The following ZNF184 variants were observed in gnomAD, a reference collection of about 807,000 sequenced individuals.
The protein encoded by ZNF184 is zinc finger protein 184, also known as zinc finger protein 184 (Kruppel-like).
ZNF184 carries 16 observed loss-of-function variants against 54.4 expected under a neutral mutation model. The ratio of observed to expected loss-of-function variants is 0.29; its 90% CI spans 0.20 to 0.45. The LOEUF is 0.45. ZNF184 is among the 20% of genes least tolerant of loss of function. The pLI, the probability that ZNF184 is intolerant of heterozygous loss-of-function variation, is 1.00. For synonymous variants in ZNF184, 254 were observed against 295.3 expected, an observed-to-expected ratio of 0.86 and a Z score of 1.43; for missense variants, 681 against 888.2, an observed-to-expected ratio of 0.77 and a Z score of 2.97.
At chr6:27,464,326 T>C (rs1763070301) in intron 3 of ZNF184, among the ~76,000 whole-genome samples, 1 of 152,182 alleles carries the variant, frequency 6.6e-6, no homozygotes, top group South Asian at 2.1e-4. Flanking sequence ...TTATAACATA[T>C]GTAACAAGTA....
At position 27,452,855 on chromosome 6, in the gene ZNF184, G is replaced by A; in HGVS notation, c.704C>T (p.Ser235Leu). The change falls in exon 6 of 6, where the codon TCA (serine) becomes TTA (leucine). Residue 235 changes from serine (S) to leucine (L), a missense_variant. Transcript: ENST00000683788. The surrounding 1 kb of genome is among the most constrained non-coding windows in gnomAD (Gnocchi z 5.5). ...NECGKAFSYCSALIRHQRTHT... is the reference protein window; with the variant it reads ...NECGKAFSYCLALIRHQRTHT... Reference sequence around the variant, plus strand: ...TGTTCTCTGATGGCGAATAAGAGCTGAACAATAACTAAAGGCTTTCCCACA... The same window carrying A: ...TGTTCTCTGATGGCGAATAAGAGCTAAACAATAACTAAAGGCTTTCCCACA... 3.1e-6 allele frequency: 5 copies of A among 1,614,066 alleles called. No individual in the cohort carries two copies. The highest frequency in any genetic ancestry group is 3.4e-6 in the Non-Finnish European group (4 of 1,179,998).
At chr6:27,414,588 T>A in the ZNF184 span, among the ~76,000 whole-genome samples, 1 of 152,028 alleles carries the variant, frequency 6.6e-6, no homozygotes, top group Non-Finnish European at 1.5e-5. Context: ...TGCAGGGCTT[T>A]TGCTCAGATA....
chr6:27,451,324 C>T lies in ZNF184; in HGVS notation c.2235G>A (p.Gln745=), dbSNP rs898172670. The T allele has an allele frequency of 1.9e-6, 3 of 1,602,298 alleles. No individual in the cohort carries two copies. The highest frequency in any genetic ancestry group is 2.7e-5 in the African/African-American group (2 of 74,278). Residue 745 remains glutamine (Q), a synonymous_variant, in exon 6 of 6, where the codon CAG becomes CAA. Coordinates refer to ENST00000683788, the MANE Select transcript of ZNF184 (RefSeq NM_001318891.2). ...FRYRSALNKH[Q]RLHPGI is the part of the protein sequence containing the mutation. ...ATTGTCATATGCCAGGATGCAGTCT[C>T]TGATGTTTGTTGAGAGCAGAGCGAT... is the stretch of plus-strand genomic sequence containing the variant.
At chr6:27,422,052 G>C in the ZNF184 span, among the ~76,000 whole-genome samples, 538 of 150,994 alleles carry the variant, frequency 3.6e-3, 4 homozygotes, top group Middle Eastern at 0.01. Flanking sequence ...GAGGTGGGAG[G>C]ATCGCTTGAG....
chr6:27,414,479 C>G, the ZNF184 span, among the ~76,000 whole-genome samples: 1 of 152,072 alleles, frequency 6.6e-6, no homozygotes, highest in African/African-American at 2.4e-5. Flanking sequence ...TTGCTCTATT[C>G]TCTTTCACTT....
the ZNF184 span, among the ~76,000 whole-genome samples, chr6:27,443,482 T>C: frequency 6.6e-6 from 1 of 152,220 alleles, no homozygotes; most frequent in East Asian, 1.9e-4. Context: ...GATATGTATG[T>C]AATCAATCCA....
At chr6:27,446,427 C>A (rs536700203), downstream of ZNF184, among the ~76,000 whole-genome samples, 11 of 152,310 alleles carry the variant, frequency 7.2e-5, no homozygotes, top group South Asian at 2.3e-3. Flanking sequence ...TGGCAGTGTC[C>A]ATGTGGTGCT....
chr6:27,404,629 A>C, the ZNF184 span: 1 of 152,250 alleles, frequency 6.6e-6, no homozygotes, highest in Non-Finnish European at 1.5e-5. Flanking sequence ...ATGGAGCTGG[A>C]AAATGCCTAT....
rs757943838 is a variant in ZNF184, at chr6:27,453,054, T to G, written c.505A>C (p.Lys169Gln). The G allele has an allele frequency of 4.3e-6, 7 of 1,613,948 alleles. No homozygotes were observed. The highest frequency in any genetic ancestry group is 5.1e-6 in the Non-Finnish European group (6 of 1,179,986). The change falls in exon 6 of 6, where the codon AAG becomes CAG. Residue 169 changes from lysine (K) to glutamine (Q), a missense_variant. By Grantham distance (53) the Lys-to-Gln change is moderately conservative. Transcript: ENST00000683788. This position sits in a 1 kb window ranked among gnomAD's most constrained non-coding sequence, Gnocchi z 4.7. ...CCTTTTTCCCAACTGGGTATTGTCT[T>G]TTCGGTTACCTTTATTTCCTTTGGC... ...TLPKEIKVTE[K>Q]TIPSWEKGPV...
chr6:27,445,895 A>T (rs1400776703), downstream of ZNF184, among the ~76,000 whole-genome samples: 1 of 152,170 alleles, frequency 6.6e-6, no homozygotes, highest in Non-Finnish European at 1.5e-5. Flanking sequence ...AGAACTTAAC[A>T]GTGACGAACT....
At chr6:27,427,014 A>C in the ZNF184 span, among the ~76,000 whole-genome samples, 69 of 151,526 alleles carry the variant, frequency 4.6e-4, no homozygotes, top group African/African-American at 1.6e-3. Context: ...AGAAACCTAA[A>C]TGGCAAACAG....
At chr6:27,447,606 G>A (rs1762652929), downstream of ZNF184, among the ~76,000 whole-genome samples, 2 of 151,914 alleles carry the variant, frequency 1.3e-5, no homozygotes, top group South Asian at 4.2e-4. Context: ...CCAGCTACTC[G>A]GGAGGCTGAG....
At chr6:27,460,638 G>C (rs1296037120) in intron 3 of ZNF184, among the ~76,000 whole-genome samples, 6 of 152,202 alleles carry the variant, frequency 3.9e-5, no homozygotes, top group Non-Finnish European at 7.3e-5. Flanking sequence ...TACTGAGGCA[G>C]GGAATTTGCA....
chr6:27,404,571 T>G, the ZNF184 span: 1 of 152,188 alleles, frequency 6.6e-6, no homozygotes, highest in Non-Finnish European at 1.5e-5. Context: ...CAAGGACATT[T>G]TGGTCAATAA....
At chr6:27,471,490 G>A (rs1354698783) in intron 2 of ZNF184, among the ~76,000 whole-genome samples, 1 of 152,200 alleles carries the variant, frequency 6.6e-6, no homozygotes, top group Non-Finnish European at 1.5e-5. Flanking sequence ...AACAGCGGAA[G>A]TATAATCCGA....
chr6:27,460,988 CTAGT>C (rs1762980204), intron 3 of ZNF184, among the ~76,000 whole-genome samples: 1 of 152,148 alleles, frequency 6.6e-6, no homozygotes, highest in East Asian at 1.9e-4. Context: ...TTCTGTGTGC[CTAGT>C]CACTGATTAA....
At chr6:27,423,152 C>A in the ZNF184 span, among the ~76,000 whole-genome samples, 2 of 152,244 alleles carry the variant, frequency 1.3e-5, no homozygotes, top group Admixed American at 6.5e-5. Flanking sequence ...AATCTCCGAG[C>A]TGCTTATCGT....
At chr6:27,435,511 A>C in the ZNF184 span, among the ~76,000 whole-genome samples, 1 of 152,204 alleles carries the variant, frequency 6.6e-6, no homozygotes, top group Non-Finnish European at 1.5e-5. Flanking sequence ...ACTTTGCTGA[A>C]TTCCTTTATT....
At chr6:27,438,968 CTTTAA>C in the ZNF184 span, among the ~76,000 whole-genome samples, 1 of 152,082 alleles carries the variant, frequency 6.6e-6, no homozygotes, top group African/African-American at 2.4e-5. Flanking sequence ...GGCACATTCG[CTTTAA>C]TTTTTTATTT....
Sources: allele counts gnomAD v4.1 joint callset (sites outside exome capture counted in the v4.1 genomes callset), GRCh38; gene constraint gnomAD v4.1.1; non-coding constraint Gnocchi (gnomAD v3.1); transcripts MANE v1.5; gene names NCBI Gene and HGNC (gene_info 2026-07-23, HGNC 2026-07-21).